TAS2R1: variants seen among roughly 807,000 people sequenced by gnomAD.
TAS2R1 encodes taste receptor type 2 member 1.
For synonymous variants in TAS2R1, 141 were observed against 134.2 expected (o/e 1.05, Z -0.35); for missense variants, 370 against 353.4 (o/e 1.05, Z -0.38).
the TAS2R1 span, among the ~76,000 whole-genome samples, chr5:9,790,795 A>AT: frequency 3.3e-5 from 5 of 151,358 alleles, no homozygotes; most frequent in East Asian, 1.9e-4. Flanking sequence ...CGCCTGGCTA[A>AT]TTTTTTTTTG....
At chr5:9,893,687 G>A in the TAS2R1 span, among the ~76,000 whole-genome samples, 1 of 152,146 alleles carries the variant, frequency 6.6e-6, no homozygotes, top group Non-Finnish European at 1.5e-5. Context: ...TCCCCTCAGA[G>A]AGAAGGACTT....
At chr5:9,689,870 A>G (rs1741200017) in intron 1 of TAS2R1, among the ~76,000 whole-genome samples, 1 of 152,198 alleles carries the variant, frequency 6.6e-6, no homozygotes, top group African/African-American at 2.4e-5. Flanking sequence ...AGTAGTTCAC[A>G]TATCCTCGGA....
At chr5:9,828,677 T>G in the TAS2R1 span, among the ~76,000 whole-genome samples, 1 of 152,228 alleles carries the variant, frequency 6.6e-6, no homozygotes, top group Non-Finnish European at 1.5e-5. Flanking sequence ...CTAAAAACTG[T>G]GATTTTCTAA....
chr5:9,695,723 C>T (rs959307239), intron 1 of TAS2R1, among the ~76,000 whole-genome samples: 7 of 152,008 alleles, frequency 4.6e-5, no homozygotes, highest in Non-Finnish European at 7.3e-5. Flanking sequence ...TACTAGGGGA[C>T]GTCATCTTGA....
chr5:9,759,288 CA>C, the TAS2R1 span, among the ~76,000 whole-genome samples: 1 of 152,116 alleles, frequency 6.6e-6, no homozygotes, highest in African/African-American at 2.4e-5. Context: ...TGACACTGAC[CA>C]ACTTTGCACT....
chr5:9,633,297 T>TATATATATATATATATATATA (rs1739907196), upstream of TAS2R1, among the ~76,000 whole-genome samples: 1 of 92,580 alleles, frequency 1.1e-5, no homozygotes, highest in East Asian at 3.6e-4. Context: ...GTGTATATTA[T>TATATATATATATATATATATA]ATATATATAT....
chr5:9,690,350 T>C (rs1741214779), intron 1 of TAS2R1, among the ~76,000 whole-genome samples: 1 of 152,142 alleles, frequency 6.6e-6, no homozygotes, highest in Non-Finnish European at 1.5e-5. Context: ...TTAACTAGAA[T>C]ATCCATGTCT....
chr5:9,721,462 A>G, the TAS2R1 span, among the ~76,000 whole-genome samples: 5 of 152,222 alleles, frequency 3.3e-5, no homozygotes, highest in Non-Finnish European at 7.3e-5. Context: ...AGAGTGAAAC[A>G]AAAGCCTGTG....
the TAS2R1 span, among the ~76,000 whole-genome samples, chr5:9,737,152 C>G: frequency 6.6e-6 from 1 of 152,086 alleles, no homozygotes; most frequent in Non-Finnish European, 1.5e-5. Flanking sequence ...CAACCTATAC[C>G]ACTGTCAGCA....
At chr5:9,680,970 G>T (rs1264474646) in intron 1 of TAS2R1, among the ~76,000 whole-genome samples, 1 of 152,178 alleles carries the variant, frequency 6.6e-6, no homozygotes, top group Non-Finnish European at 1.5e-5. Flanking sequence ...GCAGAGGCAG[G>T]AGAATCACTA....
intron 1 of TAS2R1, among the ~76,000 whole-genome samples, chr5:9,692,029 T>C (rs1741256725): frequency 6.6e-6 from 1 of 152,132 alleles, no homozygotes; most frequent in Non-Finnish European, 1.5e-5. Context: ...TGTCCTCTCA[T>C]CCCCATGAAG....
chr5:9,679,055 C>G (rs1740943232), intron 1 of TAS2R1, among the ~76,000 whole-genome samples: 1 of 152,188 alleles, frequency 6.6e-6, no homozygotes, highest in African/African-American at 2.4e-5. Flanking sequence ...TCAAGCCACA[C>G]AAACATGGAG....
the TAS2R1 span, among the ~76,000 whole-genome samples, chr5:9,901,750 A>G: frequency 4.6e-5 from 7 of 152,312 alleles, no homozygotes; most frequent in East Asian, 1.3e-3. Context: ...GACAGGCAAG[A>G]AGACTGGAAG....
chr5:9,868,596 A>G, the TAS2R1 span, among the ~76,000 whole-genome samples: 1 of 152,164 alleles, frequency 6.6e-6, no homozygotes, highest in East Asian at 1.9e-4. Context: ...ACTTCCATGA[A>G]GGTCTCTGAC....
the TAS2R1 span, among the ~76,000 whole-genome samples, chr5:9,840,851 TTA>T: frequency 4.7e-4 from 6 of 12,712 alleles, no homozygotes; most frequent in Non-Finnish European, 9.5e-4. Context: ...ATTTATTTAT[TTA>T]TTTATTTTTT....
intron 1 of TAS2R1, among the ~76,000 whole-genome samples, chr5:9,679,205 G>C (rs1227231084): frequency 6.6e-6 from 1 of 152,202 alleles, no homozygotes; most frequent in Non-Finnish European, 1.5e-5. Context: ...GGGACAGGGG[G>C]AAAGGAAGGA....
the TAS2R1 span, among the ~76,000 whole-genome samples, chr5:9,831,689 A>G: frequency 1.3e-5 from 2 of 150,712 alleles, no homozygotes; most frequent in Non-Finnish European, 3.0e-5. Context: ...ATTTTTTTAG[A>G]TTTCTGTTTC....
the TAS2R1 span, among the ~76,000 whole-genome samples, chr5:9,861,170 A>G: frequency 1.3e-5 from 2 of 151,772 alleles, no homozygotes; most frequent in Non-Finnish European, 2.9e-5. Flanking sequence ...TTGAAATGAA[A>G]TGCAAAGGGA....
the TAS2R1 span, among the ~76,000 whole-genome samples, chr5:9,767,927 A>G: frequency 2.0e-5 from 3 of 151,172 alleles, no homozygotes; most frequent in South Asian, 4.2e-4. Context: ...CCGTCTCAAA[A>G]AAAAAAAAAA....
Sources: allele counts gnomAD v4.1 joint callset (sites outside exome capture counted in the v4.1 genomes callset), GRCh38; gene constraint gnomAD v4.1.1; transcripts MANE v1.5; gene names NCBI Gene and HGNC (gene_info 2026-07-23, HGNC 2026-07-21).